GDAP1L1: variants seen among roughly 807,000 people sequenced by gnomAD.
GDAP1L1 encodes ganglioside induced differentiation associated protein 1 like 1.
In GDAP1L1, 21 loss-of-function variants were observed where a neutral mutation model predicts 37.1. That is an observed-to-expected ratio of 0.57 (90% CI 0.40 to 0.81). GDAP1L1 has a LOEUF of 0.81. Ranked by LOEUF, GDAP1L1 falls within the 40% of genes least tolerant of loss-of-function variation. GDAP1L1 has a pLI of 0.00. For synonymous variants in GDAP1L1, 193 were observed against 209.1 expected (o/e 0.92, Z 0.67); for missense variants, 362 against 491.6 (o/e 0.74, Z 2.49).
chr20:44,248,313 C>T (rs898738642), intron 1 of GDAP1L1, among the ~76,000 whole-genome samples: 2 of 152,236 alleles, frequency 1.3e-5, no homozygotes, highest in African/African-American at 4.8e-5. Flanking sequence ...ATCTCCCACC[C>T]TGGGCGGTTG....
intron 5 of GDAP1L1, among the ~76,000 whole-genome samples, chr20:44,275,052 T>C (rs574366099): frequency 7.9e-5 from 12 of 152,122 alleles, no homozygotes; most frequent in African/African-American, 2.7e-4. Flanking sequence ...ATGCTACCGA[T>C]TCAGCTATTT....
At chr20:44,260,006 G>A (rs1194394453) in intron 3 of GDAP1L1, among the ~76,000 whole-genome samples, 1 of 152,046 alleles carries the variant, frequency 6.6e-6, no homozygotes, top group African/African-American at 2.4e-5. Context: ...GGGCGGCCTG[G>A]TACTCTATGT....
intron 1 of GDAP1L1, among the ~76,000 whole-genome samples, chr20:44,253,017 C>T (rs1029810952): frequency 7.2e-5 from 11 of 152,200 alleles, no homozygotes; most frequent in Non-Finnish European, 1.2e-4. Context: ...ACCACTTCCT[C>T]ACTTCTTTCA....
chr20:44,277,576 C>T (rs2062596763), intron 5 of GDAP1L1, among the ~76,000 whole-genome samples: 3 of 152,184 alleles, frequency 2.0e-5, no homozygotes, highest in Admixed American at 6.5e-5. Context: ...CTGGCCACAA[C>T]AGTGCATCAT....
At position 44,258,497 on chromosome 20, in the gene GDAP1L1, G is replaced by A. The variant is rs756414545; in HGVS notation, c.437G>A (p.Arg146Gln). The change falls in exon 3 of 6, where the codon CGG becomes CAG. Residue 146 changes from arginine (R) to glutamine (Q), a missense_variant. Coordinates refer to ENST00000342560, the MANE Select transcript of GDAP1L1 (RefSeq NM_024034.6). ...SLQHARVLQY[R>Q]ELLDALPMDA... is the part of the protein sequence containing the mutation. ...CAGCACGCACGGGTGCTGCAGTACC[G>A]GGAGCTGCTGGACGCACTGCCCATG... The A allele has an allele frequency of 2.8e-5, 44 of 1,561,790 alleles. No individual in the cohort carries two copies. Among genetic ancestry groups the A allele is most frequent in the East Asian group, 1.9e-4 (8 of 41,628 alleles).
chr20:44,254,235 CAT>C (rs972109563), intron 1 of GDAP1L1, among the ~76,000 whole-genome samples: 10 of 152,218 alleles, frequency 6.6e-5, no homozygotes, highest in African/African-American at 2.2e-4. Context: ...CATGTACACA[CAT>C]GTGCACTCTC....
Position 44,247,308 on chromosome 20 carries a change from C to T in GDAP1L1, c.-27C>T. On this transcript the variant is annotated 5_prime_UTR_variant, in exon 1 of 6. Coordinates refer to ENST00000342560, the MANE Select transcript of GDAP1L1 (RefSeq NM_024034.6). ...AGAGCCGCCGCGCCGGAGCCTCCTT[C>T]TTTCCTGCCTCTGATTCCGGGCTGT... 1.2e-6 allele frequency: 2 copies of T among 1,612,388 alleles called. No individual in the cohort carries two copies. Among genetic ancestry groups the T allele is most frequent in the Non-Finnish European group, 1.7e-6 (2 of 1,179,344 alleles).
chr20:44,272,284 G>A lies in GDAP1L1; in HGVS notation c.761-6673G>A, dbSNP rs547951045. Among the ~76,000 whole-genome samples the A allele has an allele frequency of 1.3e-3, 192 of 152,302 alleles. 1 individual carries two copies. The highest frequency in any genetic ancestry group is 4.3e-3 in the African/African-American group (180 of 41,570). ...GTTAGGACACGCCCTGCATTGGTCC[G>A]CATCAGCAGTATGGAGCGGTTTTGC... On this transcript the variant is annotated intron_variant, in intron 5 of 5. Transcript: ENST00000342560.
chr20:44,256,749 C>T lies in GDAP1L1; in HGVS notation c.181-404C>T, dbSNP rs144777878. On this transcript the variant is annotated intron_variant, in intron 1 of 5. Transcript: ENST00000342560. Reference sequence around the variant, plus strand: ...GCTGAGTGCTCAACTGTGATAACGACGATCACAAATTGAGTGCCAATAATT... The same window carrying T: ...GCTGAGTGCTCAACTGTGATAACGATGATCACAAATTGAGTGCCAATAATT... Among the ~76,000 whole-genome samples, 416 of 152,256 alleles carry T rather than the reference C, an allele frequency of 2.7e-3. 3 individuals are homozygous for T. Among genetic ancestry groups the T allele is most frequent in the African/African-American group, 9.4e-3 (390 of 41,554 alleles).
At chr20:44,276,424 G>GAAAGAAAT (rs763072560) in intron 5 of GDAP1L1, among the ~76,000 whole-genome samples, 5 of 135,092 alleles carry the variant, frequency 3.7e-5, no homozygotes, top group African/African-American at 1.4e-4. Flanking sequence ...AAGAAAGAAA[G>GAAAGAAAT]AAAGAAAGAA....
Position 44,264,618 on chromosome 20 carries a change from GC to G in GDAP1L1, c.760+62del, listed in dbSNP as rs755522024. On this transcript the variant is annotated intron_variant, in intron 5 of 5. Coordinates refer to ENST00000342560, the MANE Select transcript of GDAP1L1 (RefSeq NM_024034.6). ...AGCCCACCCAGCCTACTCTTCCCCT[GC>G]CCAGTCTCAGCCTCTTTTTTCCGCA... is the stretch of plus-strand genomic sequence containing the variant. 2.5e-6 allele frequency: 4 copies of G among 1,577,240 alleles called. No homozygotes were observed. In the South Asian group the frequency reaches 4.6e-5, roughly 18 times the overall value.
intron 1 of GDAP1L1, among the ~76,000 whole-genome samples, chr20:44,248,273 C>T (rs770394325): frequency 3.5e-4 from 53 of 152,204 alleles, no homozygotes; most frequent in Non-Finnish European, 6.8e-4. Flanking sequence ...TGAACTGCAC[C>T]CCTCAGACAG....
At chr20:44,251,891 A>G (rs184563939) in intron 1 of GDAP1L1, among the ~76,000 whole-genome samples, 13 of 152,322 alleles carry the variant, frequency 8.5e-5, no homozygotes, top group African/African-American at 3.1e-4. Flanking sequence ...AATAATATTT[A>G]TGTTTCTTTA....
chr20:44,270,527 T>C (rs1270605539), intron 5 of GDAP1L1, among the ~76,000 whole-genome samples: 1 of 152,226 alleles, frequency 6.6e-6, no homozygotes, highest in Non-Finnish European at 1.5e-5. Context: ...TCTGGAGTTC[T>C]GGAGCAGCTG....
chr20:44,272,430 G>C (rs1346086240), intron 5 of GDAP1L1, among the ~76,000 whole-genome samples: 2 of 152,200 alleles, frequency 1.3e-5, no homozygotes, highest in Non-Finnish European at 2.9e-5. Context: ...GGTGAGAAGA[G>C]AGGATGAAAA....
At position 44,280,123 on chromosome 20, in the gene GDAP1L1, C is replaced by T. The variant is rs1185874857; in HGVS notation, c.*823C>T. 3 of 288,312 alleles carry T rather than the reference C, an allele frequency of 1.0e-5. No individual in the cohort carries two copies. Among genetic ancestry groups the T allele is most frequent in the Admixed American group, 9.3e-5 (2 of 21,436 alleles). 17.9% of individuals were successfully genotyped at this position (288,312 alleles called of 1,614,324 possible). On this transcript the variant is annotated 3_prime_UTR_variant, in exon 6 of 6. Transcript: ENST00000342560. ...GGGGCGGATCTGGAGGTGGACAAAC[C>T]TAGGTCCCCCTCCTAGCCTCTGTCC...
intron 1 of GDAP1L1, among the ~76,000 whole-genome samples, chr20:44,251,727 C>T (rs1159784535): frequency 6.6e-6 from 1 of 152,206 alleles, no homozygotes; most frequent in Admixed American, 6.5e-5. Flanking sequence ...GCCTCAGGCC[C>T]TCCTGCAGGG....
rs528950153 is a variant in GDAP1L1, at chr20:44,268,912, T to C, written c.760+4353T>C. Among the ~76,000 whole-genome samples, 4 of 152,290 alleles carry C rather than the reference T, an allele frequency of 2.6e-5. No homozygotes were observed. In the East Asian group the frequency reaches 7.7e-4, roughly 29 times the overall value. ...CCCTGGAGGGCTTTGAGGAGGGTAT[T>C]GTATCAGTTAGTTTCTGCTGTATAA... is the stretch of plus-strand genomic sequence containing the variant. On this transcript the variant is annotated intron_variant, in intron 5 of 5. Coordinates refer to ENST00000342560, the MANE Select transcript of GDAP1L1 (RefSeq NM_024034.6).
At chr20:44,247,599 C>A in intron 1 of GDAP1L1, 85 bp downstream of exon 1, 1 of 1,267,864 alleles carries the variant, frequency 7.9e-7, no homozygotes, top group Non-Finnish European at 1.1e-6. Context: ...CTGAGGGCGG[C>A]GAAAGACTGG....
Sources: allele counts gnomAD v4.1 joint callset (sites outside exome capture counted in the v4.1 genomes callset), GRCh38; gene constraint gnomAD v4.1.1; transcripts MANE v1.5; gene names NCBI Gene and HGNC (gene_info 2026-07-23, HGNC 2026-07-21).